The following OS9 variants were observed in gnomAD, a reference collection of about 807,000 sequenced individuals.
OS9 encodes the protein OS9 endoplasmic reticulum lectin, also known as protein OS-9.
In OS9, 58 loss-of-function variants were observed where a neutral mutation model predicts 84.7. That is an observed-to-expected ratio of 0.68 (90% CI 0.55 to 0.85). The LOEUF is 0.85. Ranked by LOEUF, OS9 falls within the 40% of genes least tolerant of loss-of-function variation. OS9 has a pLI of 0.00. For missense variants in OS9, 760 were observed against 850.9 expected, an observed-to-expected ratio of 0.89 and a Z score of 1.33; for synonymous variants, 278 against 320.8, an observed-to-expected ratio of 0.87 and a Z score of 1.43.
At chr12:57,702,128 C>A (rs1954044764) in intron 5 of OS9, among the ~76,000 whole-genome samples, 1 of 152,038 alleles carries the variant, frequency 6.6e-6, no homozygotes, top group South Asian at 2.1e-4. Flanking sequence ...AAATATATAA[C>A]CTAAAAGTTA....
At position 57,704,128 on chromosome 12, in the gene OS9, C is replaced by T. The variant is rs946980145; in HGVS notation, c.579+7755C>T. On this transcript the variant is annotated intron_variant, in intron 5 of 14. Coordinates refer to ENST00000315970, the MANE Select transcript of OS9 (RefSeq NM_006812.4). ...TGACATTGATTTACCTATGTTGAAC[C>T]ATCCTTGCATTCTTGGAGTGAATCC... Among the ~76,000 whole-genome samples, 4 of 152,172 alleles carry T rather than the reference C, an allele frequency of 2.6e-5. No individual in the cohort carries two copies. The East Asian group carries it at 7.7e-4, about 29-fold the overall frequency.
chr12:57,716,279 T>TGGGGGGGG (rs141328077), intron 7 of OS9, 86 bp downstream of exon 7: 34 of 511,300 alleles, frequency 6.6e-5, no homozygotes, highest in South Asian at 1.2e-4. Context: ...ACTGGTGGGG[T>TGGGGGGGG]GGGGGGGGGT....
At chr12:57,717,652 G>C (rs1304176893) in intron 9 of OS9, among the ~76,000 whole-genome samples, 1 of 152,040 alleles carries the variant, frequency 6.6e-6, no homozygotes, top group Non-Finnish European at 1.5e-5. Flanking sequence ...AATTAGCTGG[G>C]TGTGGTGGCA....
intron 14 of OS9, 86 bp from the exon 15 acceptor site, chr12:57,720,698 C>A: frequency 6.6e-7 from 1 of 1,507,366 alleles, no homozygotes; most frequent in Admixed American, 2.0e-5. Flanking sequence ...TGTCCTCATT[C>A]CCTGCCTTCC....
At chr12:57,696,149 A>C (rs373836760) in intron 4 of OS9, 111 bp downstream of exon 4, 3 of 1,221,500 alleles carry the variant, frequency 2.5e-6, no homozygotes. Flanking sequence ...CTTGGTGGCC[A>C]TTAGGACAAA....
chr12:57,719,970 G>C (rs1053942500), intron 12 of OS9, 129 bp from the exon 13 acceptor site: 1 of 838,548 alleles, frequency 1.2e-6, no homozygotes, highest in African/African-American at 1.7e-5. Flanking sequence ...TTGAGCCCTG[G>C]CTCATATACA....
At chr12:57,703,741 A>T (rs894054991) in intron 5 of OS9, among the ~76,000 whole-genome samples, 17 of 147,144 alleles carry the variant, frequency 1.2e-4, no homozygotes, top group African/African-American at 4.2e-4. Flanking sequence ...GGATCCCTGG[A>T]CATTCCATGT....
rs533373688 is a variant in OS9 at position 57,720,949 on chromosome 12, T to C, written c.*40T>C. On this transcript the variant is annotated 3_prime_UTR_variant, in exon 15 of 15. Transcript: ENST00000315970. ...TTGACCCTTCACGGAATCCAGACTC[T>C]TCCTGGACTGGCTTGCCTCCTCCCC... 1 of 1,608,646 alleles carries C rather than the reference T, an allele frequency of 6.2e-7. No individual in the cohort carries two copies. Among genetic ancestry groups the C allele is most frequent in the Non-Finnish European group, 8.5e-7 (1 of 1,175,922 alleles).
chr12:57,719,570 G>A, intron 12 of OS9: 1 of 216,476 alleles, frequency 4.6e-6, no homozygotes, highest in South Asian at 9.5e-5. Flanking sequence ...GAATAGGAGA[G>A]CCCAGCTGCA....
intron 5 of OS9, among the ~76,000 whole-genome samples, chr12:57,701,243 A>G (rs1480881080): frequency 6.8e-6 from 1 of 147,498 alleles, no homozygotes; most frequent in Non-Finnish European, 1.5e-5. Context: ...ATGGCATGAC[A>G]TGGAACTCTG....
chr12:57,713,299 C>T (rs968625716), intron 5 of OS9, among the ~76,000 whole-genome samples: 4 of 152,184 alleles, frequency 2.6e-5, no homozygotes, highest in Admixed American at 1.3e-4. Flanking sequence ...GACTGCCTCT[C>T]CCCCTGGGCA....
At chr12:57,718,859 G>C (rs969756362) in intron 11 of OS9, 134 bp from the exon 12 acceptor site, 1 of 679,202 alleles carries the variant, frequency 1.5e-6, no homozygotes, top group African/African-American at 1.8e-5. Flanking sequence ...GAGCCGAGAC[G>C]GCACCACTGT....
intron 7 of OS9, 78 bp downstream of exon 7, chr12:57,716,271 TG>T: frequency 2.8e-6 from 1 of 359,918 alleles, no homozygotes; most frequent in Non-Finnish European, 5.3e-6. Flanking sequence ...CCTGACTGAC[TG>T]GTGGGGTGGG....
intron 5 of OS9, among the ~76,000 whole-genome samples, chr12:57,714,546 C>T (rs1488211887): frequency 6.6e-6 from 1 of 151,988 alleles, no homozygotes; most frequent in Non-Finnish European, 1.5e-5. Flanking sequence ...TGGAGTTTCC[C>T]TGTGGAGTGT....
intron 5 of OS9, among the ~76,000 whole-genome samples, chr12:57,697,702 T>A (rs1433545878): frequency 6.6e-6 from 1 of 152,158 alleles, no homozygotes; most frequent in Non-Finnish European, 1.5e-5. Flanking sequence ...TAAGTACTCA[T>A]TGTATTTCTG....
chr12:57,704,558 C>T (rs1377181166), intron 5 of OS9, among the ~76,000 whole-genome samples: 2 of 151,776 alleles, frequency 1.3e-5, no homozygotes, highest in Admixed American at 6.6e-5. Flanking sequence ...AGATATTAGT[C>T]TATTGTTTTC....
intron 5 of OS9, among the ~76,000 whole-genome samples, chr12:57,714,099 C>G (rs897158257): frequency 9.3e-5 from 14 of 150,672 alleles, no homozygotes; most frequent in Non-Finnish European, 1.6e-4. Context: ...ACAGTGAGAC[C>G]CTGTCTGAAA....
Position 57,717,859 on chromosome 12 carries a change from T to A in OS9, c.1046-11T>A. 1.3e-6 allele frequency: 2 copies of A among 1,552,176 alleles called. No homozygotes were observed. Among genetic ancestry groups the A allele is most frequent in the South Asian group, 2.3e-5 (2 of 86,516 alleles). On this transcript the variant is annotated splice_polypyrimidine_tract_variant and intron_variant, in intron 9 of 14. Transcript: ENST00000315970. The stretch of plus-strand genomic sequence containing the variant: ...CAGAACAGGTTCATGATTATTATTC[T>A]TTCATCTCAGATTTTCAGAACAACG...
intron 5 of OS9, among the ~76,000 whole-genome samples, chr12:57,710,563 A>G (rs1954296307): frequency 6.6e-6 from 1 of 152,124 alleles, no homozygotes; most frequent in Non-Finnish European, 1.5e-5. Context: ...ACTTCTTGAA[A>G]TGAATGCCTA....
Sources: gnomAD v4.1 joint callset for allele counts (sites outside exome capture counted in the v4.1 genomes callset) on GRCh38, gnomAD v4.1.1 for gene constraint, MANE v1.5 for transcripts, NCBI Gene and HGNC (gene_info 2026-07-23, HGNC 2026-07-21) for gene names.